The following NLK variants were observed in gnomAD, a reference collection of about 807,000 sequenced individuals.
The protein encoded by NLK is serine/threonine-protein kinase NLK.
NLK carries 11 observed loss-of-function variants against 59.0 expected under a neutral mutation model. That is an observed-to-expected ratio of 0.19 (90% CI 0.12 to 0.31). The LOEUF is 0.31. Among genes scored for constraint, NLK ranks in the 10% least tolerant of loss-of-function variants. The probability of loss-of-function intolerance (pLI) is 1.00; values close to 1 mark genes in which losing one functional copy is unlikely to be tolerated. For missense variants in NLK, 410 were observed against 661.1 expected (o/e 0.62, Z 4.16); for synonymous variants, 235 against 235.9 (o/e 1.00, Z 0.03).
intron 3 of NLK, among the ~76,000 whole-genome samples, chr17:28,156,735 G>GT (rs1459068692): frequency 1.3e-5 from 2 of 152,086 alleles, no homozygotes; most frequent in Admixed American, 1.3e-4. Flanking sequence ...TTCAAATTAA[G>GT]TTTTTTGGGA....
At chr17:28,090,284 A>G (rs1904440291) in intron 1 of NLK, among the ~76,000 whole-genome samples, 1 of 152,172 alleles carries the variant, frequency 6.6e-6, no homozygotes, top group South Asian at 2.1e-4. Context: ...TCACTCTTAC[A>G]TATGTTTTAA....
rs948767571 is a variant in NLK at position 28,192,065 on chromosome 17, C to T, written c.1436-55C>T. ...CTGGCTAGAGTTCGCTGAGAATTCA[C>T]TGCTCCCGGGCTTGCAAATTGTCAT... On this transcript the variant is annotated intron_variant, in intron 9 of 10. Transcript: ENST00000407008. The T allele has an allele frequency of 2.9e-5, 30 of 1,020,220 alleles. No individual in the cohort carries two copies. The East Asian group carries it at 5.4e-4, about 18-fold the overall frequency. The allele number at this position is 1,020,220 out of a possible 1,614,324, so 63.2% of individuals were successfully genotyped here. A position where few individuals can be genotyped will look rare whatever the true frequency, so the allele number is the denominator to read the frequency against.
intron 1 of NLK, among the ~76,000 whole-genome samples, chr17:28,104,347 C>T (rs750887228): frequency 8.5e-5 from 13 of 152,072 alleles, no homozygotes; most frequent in South Asian, 2.1e-4. Flanking sequence ...ATCCGCCTCC[C>T]GGGTTCAAGC....
At chr17:28,056,645 G>A (rs1279010300) in intron 1 of NLK, among the ~76,000 whole-genome samples, 1 of 152,186 alleles carries the variant, frequency 6.6e-6, no homozygotes, top group Non-Finnish European at 1.5e-5. Context: ...CAGACTACAA[G>A]ATTTTTGGTG....
chr17:28,092,945 G>T (rs1020538940), intron 1 of NLK, among the ~76,000 whole-genome samples: 1 of 151,898 alleles, frequency 6.6e-6, no homozygotes, highest in African/African-American at 2.4e-5. Context: ...ACAGGCATGT[G>T]CCACCAAGCC....
intron 1 of NLK, among the ~76,000 whole-genome samples, chr17:28,106,292 C>G (rs1905078034): frequency 6.6e-6 from 1 of 152,134 alleles, no homozygotes; most frequent in Non-Finnish European, 1.5e-5. Flanking sequence ...TATAGCATTT[C>G]AATTTATATT....
At chr17:28,205,621 A>G in the NLK span, among the ~76,000 whole-genome samples, 12 of 152,216 alleles carry the variant, frequency 7.9e-5, no homozygotes, top group South Asian at 2.5e-3. Context: ...TTGTTTCTTG[A>G]TGGATACTTT....
intron 3 of NLK, among the ~76,000 whole-genome samples, chr17:28,133,017 C>T (rs1906584817): frequency 1.3e-5 from 2 of 152,222 alleles, no homozygotes; most frequent in Non-Finnish European, 2.9e-5. Flanking sequence ...CACTATACAA[C>T]AGCTGCCTGT....
intron 1 of NLK, among the ~76,000 whole-genome samples, chr17:28,105,127 A>T (rs1905032708): frequency 2.0e-5 from 3 of 152,152 alleles, no homozygotes; most frequent in Admixed American, 2.0e-4. Context: ...ATTCTACATG[A>T]CTGTCTCTGA....
intron 1 of NLK, among the ~76,000 whole-genome samples, chr17:28,097,870 G>A (rs997391515): frequency 6.6e-6 from 1 of 152,120 alleles, no homozygotes; most frequent in African/African-American, 2.4e-5. Flanking sequence ...TTACGTTACA[G>A]TGTGGGTTTA....
At chr17:28,108,983 A>G (rs1201149435) in intron 1 of NLK, among the ~76,000 whole-genome samples, 1 of 152,150 alleles carries the variant, frequency 6.6e-6, no homozygotes, top group Admixed American at 6.5e-5. Context: ...CCTGGTTAAC[A>G]TGGTGAAACC....
chr17:28,071,869 G>A (rs760660647), intron 1 of NLK, among the ~76,000 whole-genome samples: 42 of 152,350 alleles, frequency 2.8e-4, no homozygotes, highest in Admixed American at 5.9e-4. Context: ...CTTTCAGCAT[G>A]CAGTTTACTC....
In NLK at chr17:28,192,232, T is replaced by C; in HGVS notation, c.1529+19T>C. ...TTATTAGGTAACTATATGTATGTAA[T>C]TCAACATTCTTGTTAGAATTAAAAG... On this transcript the variant is annotated intron_variant, in intron 10 of 10. Transcript: ENST00000407008. The C allele has an allele frequency of 1.6e-6, 2 of 1,285,772 alleles. No individual in the cohort carries two copies. The highest frequency in any genetic ancestry group is 1.3e-5 in the South Asian group (1 of 79,846). The allele number at this position is 1,285,772 out of a possible 1,614,324, so 79.6% of individuals were successfully genotyped here. A position where few individuals can be genotyped will look rare whatever the true frequency, so the allele number is the denominator to read the frequency against.
At chr17:28,166,938 G>A (rs1038886844) in intron 5 of NLK, among the ~76,000 whole-genome samples, 4 of 152,150 alleles carry the variant, frequency 2.6e-5, no homozygotes, top group Non-Finnish European at 4.4e-5. Flanking sequence ...GAACCCCATA[G>A]CATTAGTATT....
chr17:28,070,215 A>G (rs1909961156), intron 1 of NLK, among the ~76,000 whole-genome samples: 2 of 151,834 alleles, frequency 1.3e-5, no homozygotes, highest in Admixed American at 6.6e-5. Context: ...CAGCCTGGGC[A>G]ACAGAGCAAG....
intron 3 of NLK, among the ~76,000 whole-genome samples, chr17:28,146,216 C>T (rs745393996): frequency 4.6e-5 from 7 of 152,150 alleles, no homozygotes; most frequent in Non-Finnish European, 8.8e-5. Context: ...ACTTGATACT[C>T]TTCCCTAAGC....
intron 2 of NLK, 125 bp downstream of exon 2, chr17:28,122,857 C>G: frequency 1.0e-6 from 1 of 989,380 alleles, no homozygotes; most frequent in Non-Finnish European, 1.5e-6. Context: ...TAGTTTTATG[C>G]CAAATGTGAA....
At chr17:28,165,959 G>C (rs1012789897) in intron 5 of NLK, among the ~76,000 whole-genome samples, 3 of 152,218 alleles carry the variant, frequency 2.0e-5, no homozygotes, top group Non-Finnish European at 4.4e-5. Flanking sequence ...GCTCACGCCT[G>C]TAATCCCAGC....
rs1416993671 is a variant in NLK, at chr17:28,067,803, T to G, written c.458+24472T>G. Among the ~76,000 whole-genome samples, 8 of 151,680 alleles carry G rather than the reference T, an allele frequency of 5.3e-5. No homozygotes were observed. In the East Asian group the frequency reaches 1.6e-3, roughly 29 times the overall value. ...TATGGCGTTCAAAATTGTGTCTCGG[T>G]ATTGTGATCCAAACTGTAGGTAGAC... On this transcript the variant is annotated intron_variant, in intron 1 of 10. Transcript: ENST00000407008.
Sources: allele counts gnomAD v4.1 joint callset (sites outside exome capture counted in the v4.1 genomes callset), GRCh38; gene constraint gnomAD v4.1.1; transcripts MANE v1.5; gene names NCBI Gene and HGNC (gene_info 2026-07-23, HGNC 2026-07-21).